The following SYNPR variants were observed in gnomAD, a reference collection of about 807,000 sequenced individuals.
SYNPR encodes synaptoporin.
Under a neutral mutation model 32.9 loss-of-function variants are expected in SYNPR, and 23 were observed. The ratio of observed to expected loss-of-function variants is 0.70; its 90% CI spans 0.50 to 0.99. The LOEUF is 0.99. SYNPR is among the 50% of genes least tolerant of loss of function. The probability of loss-of-function intolerance (pLI) is 0.00; values close to 1 mark genes in which losing one functional copy is unlikely to be tolerated. For missense variants in SYNPR, 318 were observed against 349.3 expected (o/e 0.91, Z 0.71); for synonymous variants, 146 against 135.9 (o/e 1.07, Z -0.52).
intron 2 of SYNPR, among the ~76,000 whole-genome samples, chr3:63,468,901 TA>T (rs1000910983): frequency 1.3e-5 from 2 of 151,804 alleles, no homozygotes; most frequent in African/African-American, 4.8e-5. Context: ...CATTTTTTTT[TA>T]AAAAAAGGAG....
At chr3:63,379,405 G>A (rs190991359) in intron 2 of SYNPR, among the ~76,000 whole-genome samples, 1 of 151,938 alleles carries the variant, frequency 6.6e-6, no homozygotes, top group African/African-American at 2.4e-5. Context: ...ATCAATTATT[G>A]GAAGGAGGTG....
At chr3:63,392,850 A>G (rs1255401524) in intron 2 of SYNPR, among the ~76,000 whole-genome samples, 1 of 152,190 alleles carries the variant, frequency 6.6e-6, no homozygotes, top group Non-Finnish European at 1.5e-5. Context: ...ACTGCACTGA[A>G]GGCTCAAAGG....
Position 63,395,345 on chromosome 3 carries a change from C to T in SYNPR, c.85-85487C>T, listed in dbSNP as rs74976461. ...TTATGACTCTTTATGTGAATTTATCCTACTGATTTTCCAGAAGGGTTCCAC... is the reference window on the plus strand; with the variant it reads ...TTATGACTCTTTATGTGAATTTATCTTACTGATTTTCCAGAAGGGTTCCAC... On this transcript the variant is annotated intron_variant, in intron 2 of 5. Coordinates refer to ENST00000478300, the MANE Select transcript of SYNPR (RefSeq NM_001130003.2). Among the ~76,000 whole-genome samples the T allele has an allele frequency of 7.6e-3, 1,158 of 152,170 alleles. 11 individuals are homozygous for T. The highest frequency in any genetic ancestry group is 0.026 in the African/African-American group (1,090 of 41,540).
chr3:63,230,220 G>GAA (rs1278238112), intron 1 of SYNPR, among the ~76,000 whole-genome samples: 1 of 152,100 alleles, frequency 6.6e-6, no homozygotes, highest in East Asian at 1.9e-4. Flanking sequence ...ATATATATCT[G>GAA]AAATAACACT....
intron 1 of SYNPR, among the ~76,000 whole-genome samples, chr3:63,248,572 C>T (rs2086308338): frequency 6.6e-6 from 1 of 152,078 alleles, no homozygotes; most frequent in African/African-American, 2.4e-5. Flanking sequence ...ATTAATCATG[C>T]AGTTGGTAAT....
chr3:63,579,739 A>G (rs1242136808), intron 4 of SYNPR, among the ~76,000 whole-genome samples: 1 of 151,854 alleles, frequency 6.6e-6, no homozygotes, highest in Non-Finnish European at 1.5e-5. Flanking sequence ...TTTAAAGTGA[A>G]TAAGTAATTT....
intron 2 of SYNPR, among the ~76,000 whole-genome samples, chr3:63,479,074 G>A (rs1188006721): frequency 1.3e-5 from 2 of 152,124 alleles, no homozygotes; most frequent in East Asian, 3.9e-4. Context: ...AGATTGTGGA[G>A]CGACCTAGAA....
intron 4 of SYNPR, among the ~76,000 whole-genome samples, chr3:63,559,566 A>C (rs1485160166): frequency 3.3e-5 from 5 of 152,206 alleles, no homozygotes; most frequent in African/African-American, 1.2e-4. Flanking sequence ...ATAAATTTTG[A>C]AGGATAACTG....
intron 2 of SYNPR, among the ~76,000 whole-genome samples, chr3:63,455,707 G>T (rs927956265): frequency 6.6e-6 from 1 of 150,732 alleles, no homozygotes; most frequent in Non-Finnish European, 1.5e-5. Flanking sequence ...GCCTAAAAAA[G>T]TCCCCAATTT....
rs184613222 is a variant in SYNPR at position 63,454,104 on chromosome 3, A to T, written c.85-26728A>T. ...CTAAGTACCAGGAGCTTGCCCAAAC[A>T]CTGGGAATGCAGTAGTGTTATATGC... is the stretch of plus-strand genomic sequence containing the variant. On this transcript the variant is annotated intron_variant, in intron 2 of 5. Transcript: ENST00000478300. 1.9e-3 allele frequency among the ~76,000 whole-genome samples: 291 copies of T among 152,246 alleles called. 2 individuals carry two copies. The highest frequency in any genetic ancestry group is 3.3e-3 in the Non-Finnish European group (223 of 68,014).
intron 2 of SYNPR, among the ~76,000 whole-genome samples, chr3:63,398,774 A>G (rs1356649652): frequency 2.0e-5 from 3 of 152,288 alleles, no homozygotes; most frequent in Admixed American, 1.3e-4. Context: ...AAGATAACAG[A>G]TAACAGTAAC....
At chr3:63,252,313 A>T (rs1023994067) in intron 1 of SYNPR, among the ~76,000 whole-genome samples, 2 of 152,162 alleles carry the variant, frequency 1.3e-5, no homozygotes, top group African/African-American at 4.8e-5. Context: ...CTTTTATAAT[A>T]CATAATAAAA....
chr3:63,486,261 G>T (rs914201689), intron 3 of SYNPR, among the ~76,000 whole-genome samples: 1 of 152,130 alleles, frequency 6.6e-6, no homozygotes, highest in African/African-American at 2.4e-5. Context: ...AACCTGTTTG[G>T]TCTATAGGCA....
At chr3:63,588,064 C>T (rs1012640655) in intron 4 of SYNPR, among the ~76,000 whole-genome samples, 3 of 151,826 alleles carry the variant, frequency 2.0e-5, no homozygotes, top group African/African-American at 7.3e-5. Context: ...TTTAATTATC[C>T]ATGCTTCTAT....
chr3:63,334,515 AGTGT>A (rs138498529), intron 2 of SYNPR, among the ~76,000 whole-genome samples: 5,875 of 149,300 alleles, frequency 0.039, 329 homozygotes, highest in African/African-American at 0.13. Context: ...GTCTCAATGA[AGTGT>A]GTGTGTGTGT....
intron 2 of SYNPR, among the ~76,000 whole-genome samples, chr3:63,475,225 T>G (rs1380283088): frequency 6.6e-6 from 1 of 152,144 alleles, no homozygotes; most frequent in Non-Finnish European, 1.5e-5. Context: ...CTGTCAATTT[T>G]GAGAGTAATT....
chr3:63,200,950 G>A, the SYNPR span, among the ~76,000 whole-genome samples: 8 of 152,150 alleles, frequency 5.3e-5, no homozygotes, highest in East Asian at 1.3e-3. Flanking sequence ...GAAGAGCTTC[G>A]TGGGGAGAGG....
chr3:63,583,630 T>G (rs758991171), intron 4 of SYNPR, among the ~76,000 whole-genome samples: 1 of 152,040 alleles, frequency 6.6e-6, no homozygotes, highest in Non-Finnish European at 1.5e-5. Context: ...CCTAATAAAA[T>G]AAGTTCTCTA....
chr3:63,577,770 C>A (rs962540361), intron 4 of SYNPR, among the ~76,000 whole-genome samples: 4 of 152,110 alleles, frequency 2.6e-5, no homozygotes, highest in Admixed American at 2.0e-4. Context: ...GGATTTCTCA[C>A]CCCTCCTCAA....
Sources: allele counts gnomAD v4.1 joint callset (sites outside exome capture counted in the v4.1 genomes callset), GRCh38; gene constraint gnomAD v4.1.1; transcripts MANE v1.5; gene names NCBI Gene and HGNC (gene_info 2026-07-23, HGNC 2026-07-21).